Variants in GSK3B observed in about 807,000 individuals in gnomAD.
The protein encoded by GSK3B is glycogen synthase kinase-3 beta.
A neutral mutation model predicts 56.4 loss-of-function variants in GSK3B; 15 were observed. The ratio of observed to expected loss-of-function variants is 0.27; its 90% confidence interval spans 0.18 to 0.41. The LOEUF is 0.41. Among genes scored for constraint, GSK3B ranks in the 10% least tolerant of loss-of-function variants. GSK3B has a pLI of 1.00. For missense variants in GSK3B, 300 were observed against 513.4 expected (o/e 0.58, Z 4.02); for synonymous variants, 181 against 188.9 (o/e 0.96, Z 0.34).
chr3:119,822,425 T>C lies in GSK3B; in HGVS notation c.*4363A>G, dbSNP rs1010615089. ...CTATCTGTATCTGCCTGTAGACAGA[T>C]ATAGTTAAGGAAAAAAAAACTTAAA... is the stretch of plus-strand genomic sequence containing the variant. On this transcript the variant is annotated 3_prime_UTR_variant, in exon 11 of 11. Coordinates refer to ENST00000264235, the MANE Select transcript of GSK3B (RefSeq NM_001146156.2). The C allele has an allele frequency of 9.1e-6, 2 of 220,108 alleles. No individual in the cohort carries two copies. The highest frequency in any genetic ancestry group is 1.8e-5 in the Non-Finnish European group (2 of 110,082). The allele number at this position is 220,108 out of a possible 1,614,324, so 13.6% of individuals were successfully genotyped here. A position where few individuals can be genotyped will look rare whatever the true frequency, so the allele number is the denominator to read the frequency against.
chr3:120,091,860 A>G (rs1460363809), intron 1 of GSK3B, among the ~76,000 whole-genome samples: 1 of 152,112 alleles, frequency 6.6e-6, no homozygotes, highest in Non-Finnish European at 1.5e-5. Context: ...ATTATCTCCC[A>G]TTCAGCTATT....
chr3:119,964,374 T>G (rs1026222525), intron 2 of GSK3B, among the ~76,000 whole-genome samples: 1 of 152,156 alleles, frequency 6.6e-6, no homozygotes. Context: ...AAAACCCAGA[T>G]GAATTGATAA....
intron 10 of GSK3B, among the ~76,000 whole-genome samples, chr3:119,829,681 A>C (rs2055568771): frequency 6.6e-6 from 1 of 152,228 alleles, no homozygotes; most frequent in South Asian, 2.1e-4. Flanking sequence ...CATTGCCAAA[A>C]CCAGTCTCCT....
intron 9 of GSK3B, among the ~76,000 whole-genome samples, chr3:119,862,916 G>A (rs2056127771): frequency 6.6e-6 from 1 of 152,122 alleles, no homozygotes; most frequent in Non-Finnish European, 1.5e-5. Flanking sequence ...CAGTCTCAGA[G>A]GGGATGGAAA....
chr3:119,980,295 C>T (rs2057447774), intron 2 of GSK3B, among the ~76,000 whole-genome samples: 2 of 152,058 alleles, frequency 1.3e-5, no homozygotes, highest in African/African-American at 4.8e-5. Flanking sequence ...TGTAAGGTGT[C>T]AACATTTTGC....
chr3:119,898,451 A>G (rs2056591847), intron 7 of GSK3B, among the ~76,000 whole-genome samples: 3 of 152,156 alleles, frequency 2.0e-5, no homozygotes, highest in Admixed American at 2.0e-4. Flanking sequence ...CCTCAAATTG[A>G]TTTCACTACT....
rs373586232 is a variant in GSK3B, at chr3:120,039,494, T to TAAA, written c.89-37258_89-37256dup. 2.7e-5 allele frequency among the ~76,000 whole-genome samples: 4 copies of TAAA among 148,628 alleles called. No homozygotes were observed. In the East Asian group the frequency reaches 7.8e-4, roughly 29 times the overall value. ...CATGCCTCCTTGCCTCTAGTTACTG[T>TAAA]AAAAAAAAAACCAATCTTCCTGTCA... On this transcript the variant is annotated intron_variant, in intron 1 of 10. Transcript: ENST00000264235.
chr3:120,053,093 T>C (rs1430195360), intron 1 of GSK3B, among the ~76,000 whole-genome samples: 8 of 152,148 alleles, frequency 5.3e-5, no homozygotes, highest in Admixed American at 5.2e-4. Context: ...TCTCAGCACT[T>C]TGGGAGGCCG....
At chr3:119,954,814 T>C (rs541996744) in intron 2 of GSK3B, among the ~76,000 whole-genome samples, 73 of 152,270 alleles carry the variant, frequency 4.8e-4, no homozygotes, top group Middle Eastern at 6.8e-3. Context: ...GAAAAACTTC[T>C]GGAAGCTAAA....
chr3:119,971,061 T>C (rs1164351187), intron 2 of GSK3B, among the ~76,000 whole-genome samples: 1 of 152,208 alleles, frequency 6.6e-6, no homozygotes, highest in East Asian at 1.9e-4. Flanking sequence ...AAGGTAAAAG[T>C]TTCCATGATA....
intron 7 of GSK3B, among the ~76,000 whole-genome samples, chr3:119,882,137 G>C (rs972456051): frequency 6.6e-6 from 1 of 150,864 alleles, no homozygotes; most frequent in Non-Finnish European, 1.5e-5. Context: ...TCCCTGAAAT[G>C]AAAGTTTTAC....
intron 3 of GSK3B, among the ~76,000 whole-genome samples, chr3:119,929,476 ATAAAGG>A (rs1460519476): frequency 1.3e-5 from 2 of 152,202 alleles, no homozygotes; most frequent in Non-Finnish European, 2.9e-5. Flanking sequence ...AGTTAAGAAT[ATAAAGG>A]CTGAACCAGG....
intron 2 of GSK3B, among the ~76,000 whole-genome samples, chr3:119,986,546 AG>A (rs1290183552): frequency 6.6e-6 from 1 of 152,224 alleles, no homozygotes; most frequent in African/African-American, 2.4e-5. Flanking sequence ...ACTTGTCAAA[AG>A]AAGACATCTA....
At position 119,895,492 on chromosome 3, in the gene GSK3B, C is replaced by T. The variant is rs145077976; in HGVS notation, c.813+10263G>A. On this transcript the variant is annotated intron_variant, in intron 7 of 10. Coordinates refer to ENST00000264235, the MANE Select transcript of GSK3B (RefSeq NM_001146156.2). ...ATTTTATTTTCAGTTTTTGAGGAAC[C>T]TCCATATAGTTTTCCATAATGGTTG... 3.5e-3 allele frequency among the ~76,000 whole-genome samples: 536 copies of T among 152,210 alleles called. 3 individuals carry two copies. Among genetic ancestry groups the T allele is most frequent in the Middle Eastern group, 0.014 (4 of 294 alleles).
chr3:120,077,138 A>G (rs1210772143), intron 1 of GSK3B, among the ~76,000 whole-genome samples: 2 of 152,198 alleles, frequency 1.3e-5, no homozygotes, highest in East Asian at 1.9e-4. Context: ...TAAAAATAGA[A>G]CTATCATATG....
chr3:120,025,001 A>G (rs1373538325), intron 1 of GSK3B, among the ~76,000 whole-genome samples: 2 of 152,198 alleles, frequency 1.3e-5, no homozygotes, highest in Admixed American at 1.3e-4. Flanking sequence ...TCACTAATCT[A>G]CCTGGTTATC....
intron 1 of GSK3B, among the ~76,000 whole-genome samples, chr3:120,005,302 T>C (rs1020786257): frequency 1.3e-5 from 2 of 152,194 alleles, no homozygotes; most frequent in African/African-American, 4.8e-5. Flanking sequence ...TACGTTTGAA[T>C]GGTGTACCTG....
chr3:120,078,601 G>A (rs562327857), intron 1 of GSK3B, among the ~76,000 whole-genome samples: 75 of 150,688 alleles, frequency 5.0e-4, no homozygotes, highest in Non-Finnish European at 8.3e-4. Context: ...TCCCAGGCTG[G>A]AGAGCAAGTG....
chr3:120,027,126 G>C (rs983011521), intron 1 of GSK3B, among the ~76,000 whole-genome samples: 2 of 150,746 alleles, frequency 1.3e-5, no homozygotes, highest in Non-Finnish European at 1.5e-5. Flanking sequence ...TGTGATCCCA[G>C]CACTTTGGGA....
Sources: gnomAD v4.1 joint callset for allele counts (sites outside exome capture counted in the v4.1 genomes callset) on GRCh38, gnomAD v4.1.1 for gene constraint, MANE v1.5 for transcripts, NCBI Gene and HGNC (gene_info 2026-07-23, HGNC 2026-07-21) for gene names.